Variants in ARMC3 observed in about 807,000 individuals in gnomAD.
ARMC3 encodes armadillo repeat containing 3.
In ARMC3, 74 loss-of-function variants were observed where a neutral mutation model predicts 90.3. That is an observed-to-expected ratio of 0.82 (90% CI 0.68 to 0.99). ARMC3 has a LOEUF of 0.99. Ranked by LOEUF, ARMC3 falls within the 50% of genes least tolerant of loss-of-function variation. The pLI, the probability that ARMC3 is intolerant of heterozygous loss-of-function variation, is 0.00. For synonymous variants in ARMC3, 334 were observed against 361.8 expected, an observed-to-expected ratio of 0.92 and a Z score of 0.87; for missense variants, 958 against 1,042.8, an observed-to-expected ratio of 0.92 and a Z score of 1.12.
intron 18 of ARMC3, among the ~76,000 whole-genome samples, chr10:23,036,201 C>T (rs1009399259): frequency 1.3e-5 from 2 of 152,154 alleles, no homozygotes; most frequent in Middle Eastern, 3.2e-3. Flanking sequence ...CTCTACCCCA[C>T]TGAACTATGA....
At chr10:22,956,688 TATATA>T (rs1834948538) in intron 4 of ARMC3, among the ~76,000 whole-genome samples, 1 of 148,588 alleles carries the variant, frequency 6.7e-6, no homozygotes, top group Non-Finnish European at 1.5e-5. Context: ...ATTATATTAA[TATATA>T]ATATATATTG....
chr10:23,007,542 CA>C (rs978655591), intron 14 of ARMC3, among the ~76,000 whole-genome samples: 34 of 151,926 alleles, frequency 2.2e-4, no homozygotes, highest in African/African-American at 8.0e-4. Flanking sequence ...CTAAAAAATA[CA>C]AAAATTAGTT....
chr10:22,933,092 T>A (rs943349403), intron 2 of ARMC3, among the ~76,000 whole-genome samples: 9 of 152,170 alleles, frequency 5.9e-5, no homozygotes, highest in African/African-American at 2.2e-4. Flanking sequence ...TGCACCCCTG[T>A]GCAATCCACT....
chr10:23,007,698 CA>C (rs1188080079), intron 14 of ARMC3, among the ~76,000 whole-genome samples: 176 of 33,702 alleles, frequency 5.2e-3, no homozygotes, highest in Middle Eastern at 0.022. Context: ...GACTCCGTCT[CA>C]AAAAAAAAAA....
chr10:22,935,892 C>T (rs1834090367), intron 2 of ARMC3, among the ~76,000 whole-genome samples: 1 of 152,160 alleles, frequency 6.6e-6, no homozygotes, highest in Non-Finnish European at 1.5e-5. Flanking sequence ...TAGATGAATG[C>T]TGTCTACCTC....
At chr10:22,966,530 A>G (rs761392427) in intron 7 of ARMC3, among the ~76,000 whole-genome samples, 3 of 152,204 alleles carry the variant, frequency 2.0e-5, no homozygotes, top group Non-Finnish European at 2.9e-5. Context: ...GTTATACCCT[A>G]TATTAGAGTT....
At chr10:23,026,529 C>T (rs1391343600) in intron 16 of ARMC3, among the ~76,000 whole-genome samples, 2 of 152,070 alleles carry the variant, frequency 1.3e-5, no homozygotes, top group African/African-American at 4.8e-5. Context: ...CAAAATTCAA[C>T]ATCTACTTAT....
chr10:22,997,465 TA>T (rs1468580396), intron 10 of ARMC3: 1 of 152,234 alleles, frequency 6.6e-6, no homozygotes, highest in Non-Finnish European at 1.5e-5. Context: ...GGAAATTTAA[TA>T]ACTGAATATG....
At chr10:22,989,713 T>G (rs1353094949) in intron 10 of ARMC3, among the ~76,000 whole-genome samples, 2 of 152,234 alleles carry the variant, frequency 1.3e-5, no homozygotes, top group Non-Finnish European at 2.9e-5. Context: ...GTCCTCATGG[T>G]AAACCTGAGA....
intron 2 of ARMC3, among the ~76,000 whole-genome samples, chr10:22,937,590 T>C (rs1263366455): frequency 6.6e-6 from 1 of 152,078 alleles, no homozygotes; most frequent in Non-Finnish European, 1.5e-5. Context: ...TGAAGGTAGG[T>C]TGGGATCTGT....
At position 23,008,365 on chromosome 10, in the gene ARMC3, A is replaced by G. The variant is rs761352846; in HGVS notation, c.1919A>G (p.Glu640Gly). 6.9e-6 allele frequency: 10 copies of G among 1,451,980 alleles called. No individual in the cohort carries two copies. In the African/African-American group the frequency reaches 1.4e-4, roughly 21 times the overall value. 89.9% of individuals were successfully genotyped at this position (1,451,980 alleles called of 1,614,324 possible). A position where few individuals can be genotyped will look rare whatever the true frequency, so the allele number is the denominator to read the frequency against. Reference protein sequence around the residue: ...SSSSLRRSSKEKNKKNSYHFS... With the variant: ...SSSSLRRSSKGKNKKNSYHFS... ...TCTTCCTTAAGAAGATCAAGTAAAG[A>G]AAAGAACAAGTAAGAAAATGATGTT... The change falls in exon 15 of 19, where the codon GAA becomes GGA. Residue 640 changes from glutamate to glycine, a missense_variant. By Grantham distance (98) the Glu-to-Gly change is moderately conservative. Coordinates refer to ENST00000298032, the MANE Select transcript of ARMC3 (RefSeq NM_173081.5).
At chr10:23,001,434 C>T (rs183845645) in intron 11 of ARMC3, among the ~76,000 whole-genome samples, 1 of 152,152 alleles carries the variant, frequency 6.6e-6, no homozygotes, top group Non-Finnish European at 1.5e-5. Flanking sequence ...CTTCTGTCCC[C>T]CTCTTATAAA....
intron 1 of ARMC3, among the ~76,000 whole-genome samples, chr10:22,930,604 T>G (rs1359683138): frequency 1.3e-5 from 2 of 152,184 alleles, no homozygotes; most frequent in Non-Finnish European, 2.9e-5. Flanking sequence ...CTTTCAGAAG[T>G]ATCTAGGAGT....
At chr10:23,018,363 A>AT (rs1161925477) in intron 16 of ARMC3, among the ~76,000 whole-genome samples, 3 of 152,060 alleles carry the variant, frequency 2.0e-5, no homozygotes, top group Middle Eastern at 3.2e-3. Flanking sequence ...CATTTCGTTC[A>AT]TTTTTAGACC....
intron 12 of ARMC3, among the ~76,000 whole-genome samples, chr10:23,002,424 A>G (rs1040149523): frequency 6.6e-6 from 1 of 152,130 alleles, no homozygotes; most frequent in African/African-American, 2.4e-5. Context: ...TTTCCCACCC[A>G]TCTAAAACTT....
In ARMC3 at chr10:23,001,928, T is replaced by G; in HGVS notation, c.1435T>G (p.Ser479Ala). The change falls in exon 12 of 19, where the codon TCT (serine) becomes GCT (alanine). Residue 479 changes from serine to alanine, a missense_variant. Ser to Ala is a moderately conservative substitution (Grantham distance 99). Coordinates refer to ENST00000298032, the MANE Select transcript of ARMC3 (RefSeq NM_173081.5). ...DVEARTELRN[S>A]GGLEPLVELL... Reference sequence around the variant, plus strand: ...TGGTTTCTGCTTTTAGTTAAGAAATTCTGGTGGATTGGAGCCCCTGGTAGA... The same window carrying G: ...TGGTTTCTGCTTTTAGTTAAGAAATGCTGGTGGATTGGAGCCCCTGGTAGA... 2 of 1,613,404 alleles carry G rather than the reference T, an allele frequency of 1.2e-6. No individual in the cohort carries two copies. The highest frequency in any genetic ancestry group is 2.2e-5 in the South Asian group (2 of 90,962).
At position 23,037,677 on chromosome 10, in the gene ARMC3, G is replaced by C. The variant is rs556610930; in HGVS notation, c.*198G>C. The C allele has an allele frequency of 1.9e-6, 1 of 532,472 alleles. No individual in the cohort carries two copies. 33.0% of individuals were successfully genotyped at this position (532,472 alleles called of 1,614,324 possible). On this transcript the variant is annotated 3_prime_UTR_variant, in exon 19 of 19. Coordinates refer to ENST00000298032, the MANE Select transcript of ARMC3 (RefSeq NM_173081.5). ...ATTTCAGGCTTTTGGCAAGAGTTCT[G>C]TCTTATTAGGTCATTTTCCGCTCAC...
At chr10:22,988,256 C>T (rs1007056485) in intron 10 of ARMC3, among the ~76,000 whole-genome samples, 3 of 152,136 alleles carry the variant, frequency 2.0e-5, no homozygotes, top group Admixed American at 6.5e-5. Flanking sequence ...AACTTTAGAA[C>T]GTATGCCACA....
At chr10:22,986,379 C>G (rs1836440514) in intron 10 of ARMC3, among the ~76,000 whole-genome samples, 1 of 151,758 alleles carries the variant, frequency 6.6e-6, no homozygotes, top group Admixed American at 6.6e-5. Flanking sequence ...TGGCAAAACC[C>G]CATCTCTACT....
Sources: gnomAD v4.1 joint callset for allele counts (sites outside exome capture counted in the v4.1 genomes callset) on GRCh38, gnomAD v4.1.1 for gene constraint, MANE v1.5 for transcripts, NCBI Gene and HGNC (gene_info 2026-07-23, HGNC 2026-07-21) for gene names.